The following LDLRAD3 variants were observed in gnomAD, a reference collection of about 807,000 sequenced individuals.
The protein encoded by LDLRAD3 is low density lipoprotein receptor class A domain containing 3, also known as low-density lipoprotein receptor class A domain-containing protein 3.
LDLRAD3 carries 20 observed loss-of-function variants against 29.4 expected under a neutral mutation model. The ratio of observed to expected loss-of-function variants is 0.68; its 90% CI spans 0.48 to 0.99. The LOEUF is 0.99. LDLRAD3 is among the 50% of genes least tolerant of loss of function. The probability of loss-of-function intolerance (pLI) is 0.00; values close to 1 mark genes in which losing one functional copy is unlikely to be tolerated. For missense variants in LDLRAD3, 420 were observed against 454.3 expected, an observed-to-expected ratio of 0.92 and a Z score of 0.69; for synonymous variants, 157 against 192.7, an observed-to-expected ratio of 0.81 and a Z score of 1.53.
intron 2 of LDLRAD3, among the ~76,000 whole-genome samples, chr11:36,073,446 G>A (rs1852940910): frequency 6.6e-6 from 1 of 152,266 alleles, no homozygotes; most frequent in Non-Finnish European, 1.5e-5. Context: ...GCGCTGCTGA[G>A]TTCTACGAGG....
chr11:36,020,290 C>T (rs1221218069), intron 1 of LDLRAD3, among the ~76,000 whole-genome samples: 1 of 152,082 alleles, frequency 6.6e-6, no homozygotes, highest in Non-Finnish European at 1.5e-5. Flanking sequence ...TGAATAAAAA[C>T]ATGAATTTTT....
chr11:35,969,820 C>T (rs533378874), intron 1 of LDLRAD3, among the ~76,000 whole-genome samples: 16 of 152,198 alleles, frequency 1.1e-4, no homozygotes, highest in Admixed American at 3.3e-4. Context: ...GTGGGGCCCA[C>T]GTGCATGCGT....
chr11:36,229,085 G>C, intron 5 of LDLRAD3, 75 bp from the exon 6 acceptor site: 2 of 1,003,364 alleles, frequency 2.0e-6, no homozygotes, highest in East Asian at 4.8e-5. Flanking sequence ...GCTGAAGTTG[G>C]CTTATCTTGG....
chr11:36,121,670 G>A (rs1400159875), intron 4 of LDLRAD3, among the ~76,000 whole-genome samples: 1 of 152,236 alleles, frequency 6.6e-6, no homozygotes, highest in Non-Finnish European at 1.5e-5. Flanking sequence ...AGGGAGAGCT[G>A]GTTTGTATAA....
chr11:36,140,448 A>C (rs1353317107), intron 4 of LDLRAD3, among the ~76,000 whole-genome samples: 1 of 152,192 alleles, frequency 6.6e-6, no homozygotes, highest in Admixed American at 6.5e-5. Context: ...TCAATTTTTG[A>C]GACAGGGTTT....
intron 1 of LDLRAD3, among the ~76,000 whole-genome samples, chr11:36,004,574 A>G (rs1024960224): frequency 6.6e-6 from 1 of 152,138 alleles, no homozygotes; most frequent in Non-Finnish European, 1.5e-5. Context: ...CAATCAGTGG[A>G]TCTACATTCT....
intron 3 of LDLRAD3, among the ~76,000 whole-genome samples, chr11:36,084,551 CTATT>C (rs1216131451): frequency 1.3e-5 from 2 of 152,128 alleles, no homozygotes; most frequent in African/African-American, 4.8e-5. Flanking sequence ...ATGAGTCAAA[CTATT>C]TATCCCCTCG....
chr11:36,057,605 T>C (rs1405348154), intron 2 of LDLRAD3, among the ~76,000 whole-genome samples: 1 of 152,208 alleles, frequency 6.6e-6, no homozygotes, highest in African/African-American at 2.4e-5. Flanking sequence ...TACTGGACAC[T>C]GCAGACTGCC....
chr11:36,054,146 C>T (rs12291985), intron 2 of LDLRAD3, among the ~76,000 whole-genome samples: 31,508 of 152,110 alleles, frequency 0.21, 3,401 homozygotes, highest in Non-Finnish European at 0.24. Context: ...CCATTTTCTG[C>T]ATTTCAGAAA....
rs142228768 is a variant in LDLRAD3, at chr11:36,102,681, T to C, written c.454+4220T>C. The stretch of plus-strand genomic sequence containing the variant: ...AGGTTGTGGTGGAACTGAATTTTAA[T>C]TGGGGCTTCATTGATTGGCAACATA... On this transcript the variant is annotated intron_variant, in intron 4 of 5. Coordinates refer to ENST00000315571, the MANE Select transcript of LDLRAD3 (RefSeq NM_174902.4). Among the ~76,000 whole-genome samples the C allele has an allele frequency of 4.8e-3, 729 of 152,302 alleles. 4 individuals are homozygous for C. The highest frequency in any genetic ancestry group is 0.015 in the African/African-American group (638 of 41,556).
chr11:36,212,393 A>T (rs180872291), intron 4 of LDLRAD3, among the ~76,000 whole-genome samples: 27 of 152,192 alleles, frequency 1.8e-4, no homozygotes, highest in Middle Eastern at 3.4e-3. Flanking sequence ...TCTTCTGTTG[A>T]CATTTCTGAA....
At chr11:36,036,420 G>T (rs902683894) in intron 2 of LDLRAD3, among the ~76,000 whole-genome samples, 171 bp downstream of exon 2, 29 of 152,172 alleles carry the variant, frequency 1.9e-4, no homozygotes, top group African/African-American at 6.8e-4. Context: ...AGAGTCACAT[G>T]CTCTGTGTAG....
intron 4 of LDLRAD3, among the ~76,000 whole-genome samples, chr11:36,185,547 G>A (rs901058807): frequency 1.3e-5 from 2 of 152,118 alleles, no homozygotes; most frequent in African/African-American, 4.8e-5. Context: ...TGATAAATGA[G>A]AGCTGGAAAG....
chr11:36,189,471 G>A (rs989806249), intron 4 of LDLRAD3, among the ~76,000 whole-genome samples: 7 of 151,804 alleles, frequency 4.6e-5, no homozygotes, highest in African/African-American at 1.7e-4. Context: ...GTGACAGAGC[G>A]AGACTCCATC....
chr11:36,076,497 T>C (rs993391911), intron 2 of LDLRAD3, among the ~76,000 whole-genome samples: 1 of 152,070 alleles, frequency 6.6e-6, no homozygotes, highest in African/African-American at 2.4e-5. Flanking sequence ...AGCAGTTCTC[T>C]GCCTCAGCCT....
intron 4 of LDLRAD3, among the ~76,000 whole-genome samples, chr11:36,152,723 G>A (rs973504547): frequency 1.3e-5 from 2 of 152,202 alleles, no homozygotes; most frequent in African/African-American, 4.8e-5. Flanking sequence ...TCTGTTTTAG[G>A]ATAAATAGTT....
chr11:35,976,045 G>A (rs1437484115), intron 1 of LDLRAD3, among the ~76,000 whole-genome samples: 1 of 152,006 alleles, frequency 6.6e-6, no homozygotes, highest in Admixed American at 6.6e-5. Flanking sequence ...GAGGAGTTGG[G>A]CTGGTGAGGG....
intron 4 of LDLRAD3, among the ~76,000 whole-genome samples, chr11:36,116,825 C>A (rs1321848002): frequency 2.7e-5 from 4 of 149,176 alleles, no homozygotes; most frequent in Non-Finnish European, 3.0e-5. Flanking sequence ...GCCTGAGTAA[C>A]CTTTCTTTTT....
intron 1 of LDLRAD3, among the ~76,000 whole-genome samples, chr11:36,004,336 G>A (rs1276899944): frequency 6.6e-6 from 1 of 152,180 alleles, no homozygotes; most frequent in African/African-American, 2.4e-5. Flanking sequence ...AAATGGGGCT[G>A]TAGTCCCCAC....
Sources: allele counts gnomAD v4.1 joint callset (sites outside exome capture counted in the v4.1 genomes callset), GRCh38; gene constraint gnomAD v4.1.1; transcripts MANE v1.5; gene names NCBI Gene and HGNC (gene_info 2026-07-23, HGNC 2026-07-21).